Variants in RAB30 observed in about 807,000 individuals in gnomAD.
RAB30 encodes RAB30, member RAS oncogene family.
In RAB30, 9 loss-of-function variants were observed where a neutral mutation model predicts 25.1. The ratio of observed to expected loss-of-function variants is 0.36; its 90% CI spans 0.22 to 0.63. The LOEUF is 0.63. Among genes scored for constraint, RAB30 ranks in the 20% least tolerant of loss-of-function variants. The pLI is 0.69. For synonymous variants in RAB30, 77 were observed against 86.4 expected, an observed-to-expected ratio of 0.89 and a Z score of 0.60; for missense variants, 140 against 243.5, an observed-to-expected ratio of 0.58 and a Z score of 2.83.
At chr11:83,028,800 G>T (rs1425787644) in intron 1 of RAB30, among the ~76,000 whole-genome samples, 1 of 152,182 alleles carries the variant, frequency 6.6e-6, no homozygotes, top group African/African-American at 2.4e-5. Context: ...ACTTTGGGAG[G>T]CTAAGACAGC....
rs1392880074 is a variant in RAB30 at position 82,975,831 on chromosome 11, T to C, written c.*6334A>G. On this transcript the variant is annotated 3_prime_UTR_variant, in exon 5 of 5. Transcript: ENST00000527633. ...ATAATGACTATCATTTTAATAATCA[T>C]TATTTTTTCTGACTGTTATTTTTTT... is the stretch of plus-strand genomic sequence containing the variant. 1 of 152,156 alleles carries C rather than the reference T, an allele frequency of 6.6e-6. No homozygotes were observed. Among genetic ancestry groups the C allele is most frequent in the Non-Finnish European group, 1.5e-5 (1 of 68,012 alleles). The allele number at this position is 152,156 out of a possible 1,614,324, so 9.4% of individuals were successfully genotyped here. A position where few individuals can be genotyped will look rare whatever the true frequency, so the allele number is the denominator to read the frequency against.
chr11:83,000,423 G>T (rs1231398193), intron 1 of RAB30, among the ~76,000 whole-genome samples: 3 of 152,162 alleles, frequency 2.0e-5, no homozygotes, highest in Non-Finnish European at 4.4e-5. Flanking sequence ...AACACTCAGG[G>T]ACATGATATA....
At chr11:83,056,679 AGT>A (rs780214850) in intron 1 of RAB30, among the ~76,000 whole-genome samples, 10 of 152,234 alleles carry the variant, frequency 6.6e-5, no homozygotes, top group Non-Finnish European at 1.5e-4. Flanking sequence ...CAGACTCTGC[AGT>A]AAGACAGTCT....
At position 83,022,548 on chromosome 11, in the gene RAB30, A is replaced by G. The variant is rs552297677; in HGVS notation, c.-8-25224T>C. Among the ~76,000 whole-genome samples, 27 of 152,338 alleles carry G rather than the reference A, an allele frequency of 1.8e-4. 1 individual carries two copies. The highest frequency in any genetic ancestry group is 5.5e-4 in the African/African-American group (23 of 41,586). ...GTTCCATTAACTTCCAATAATGGAG[A>G]AAGGTCTTCCAATTTTTACTTTAGT... is the stretch of plus-strand genomic sequence containing the variant. On this transcript the variant is annotated intron_variant, in intron 1 of 4. Coordinates refer to ENST00000527633, the MANE Select transcript of RAB30 (RefSeq NM_001286060.2).
Position 82,982,252 on chromosome 11 carries a change from T to C in RAB30, c.525A>G (p.Arg175=), listed in dbSNP as rs776119993. Residue 175 remains arginine (R), a synonymous_variant, in exon 5 of 5, where the codon AGA becomes AGG. Coordinates refer to ENST00000527633, the MANE Select transcript of RAB30 (RefSeq NM_001286060.2). ...ATACATTGTTCACAAGTGTGTTCTG[T>C]CTGGCTTCACTGATGAGTCGGCATG... ...DLACRLISEA[R]QNTLVNNVSS... is the part of the protein sequence containing the mutation. 2.5e-6 allele frequency: 4 copies of C among 1,614,140 alleles called. No individual in the cohort carries two copies. In the South Asian group the frequency reaches 3.3e-5, roughly 13 times the overall value.
intron 1 of RAB30, among the ~76,000 whole-genome samples, chr11:83,054,676 T>C (rs1262320823): frequency 4.0e-5 from 6 of 150,492 alleles, no homozygotes; most frequent in East Asian, 3.9e-4. Context: ...GCCTGGGCAA[T>C]AGAATGAGAC....
chr11:82,996,654 T>C (rs946620875), intron 2 of RAB30, among the ~76,000 whole-genome samples: 2 of 152,190 alleles, frequency 1.3e-5, no homozygotes, highest in Non-Finnish European at 2.9e-5. Context: ...ATGATAAGAA[T>C]TGAATTCAAC....
intron 1 of RAB30, among the ~76,000 whole-genome samples, chr11:83,026,807 AT>A (rs1430023216): frequency 1.9e-5 from 2 of 104,560 alleles, no homozygotes; most frequent in African/African-American, 9.0e-5. Flanking sequence ...AAAGTGCTTT[AT>A]TTTTATTAAA....
chr11:82,996,215 A>G (rs1856955426), intron 2 of RAB30, among the ~76,000 whole-genome samples: 1 of 152,196 alleles, frequency 6.6e-6, no homozygotes. Flanking sequence ...TTGTTATTCA[A>G]TCTGTCTCTT....
At position 82,993,989 on chromosome 11, in the gene RAB30, T is replaced by C. The variant is rs776775510; in HGVS notation, c.177+50A>G. 2.1e-6 allele frequency: 3 copies of C among 1,425,018 alleles called. No homozygotes were observed. In the African/African-American group the frequency reaches 4.2e-5, roughly 20 times the overall value. 88.3% of individuals were successfully genotyped at this position (1,425,018 alleles called of 1,614,324 possible). A position where few individuals can be genotyped will look rare whatever the true frequency, so the allele number is the denominator to read the frequency against. ...ATGGTTATGAAAGCAGTACTTCCCC[T>C]AACCTCTCACATAGCACCTGACAAC... On this transcript the variant is annotated intron_variant, in intron 3 of 4. Coordinates refer to ENST00000527633, the MANE Select transcript of RAB30 (RefSeq NM_001286060.2).
At chr11:83,021,450 G>A (rs994114595) in intron 1 of RAB30, among the ~76,000 whole-genome samples, 3 of 152,216 alleles carry the variant, frequency 2.0e-5, no homozygotes, top group Admixed American at 6.5e-5. Flanking sequence ...TGCCAGCTGG[G>A]AAAGCTGCTT....
chr11:82,999,808 C>T (rs1857038689), intron 1 of RAB30, among the ~76,000 whole-genome samples: 1 of 152,086 alleles, frequency 6.6e-6, no homozygotes. Context: ...CTCTGACCTA[C>T]GAAGGTCCTG....
intron 4 of RAB30, among the ~76,000 whole-genome samples, chr11:82,985,019 C>G (rs1038232343): frequency 1.3e-5 from 2 of 152,192 alleles, no homozygotes; most frequent in Non-Finnish European, 2.9e-5. Flanking sequence ...GCTCTGTTGC[C>G]CAGGCTGGAG....
At chr11:83,049,926 T>C (rs1470657138) in intron 1 of RAB30, among the ~76,000 whole-genome samples, 1 of 152,114 alleles carries the variant, frequency 6.6e-6, no homozygotes, top group Non-Finnish European at 1.5e-5. Flanking sequence ...GAATTGGCCA[T>C]TCCCCTTCCT....
rs1430289275 is a variant in RAB30, at chr11:82,982,031, T to C, written c.*134A>G. 3.2e-6 allele frequency: 4 copies of C among 1,262,910 alleles called. No homozygotes were observed. Among genetic ancestry groups the C allele is most frequent in the Non-Finnish European group, 3.3e-6 (3 of 906,254 alleles). The allele number at this position is 1,262,910 out of a possible 1,614,324, so 78.2% of individuals were successfully genotyped here. A position where few individuals can be genotyped will look rare whatever the true frequency, so the allele number is the denominator to read the frequency against. ...TGTGGTCGAGGCCCTTGGCCTGCCA[T>C]GCTTTGTAAGCTCAGGAGCCCACAG... is the stretch of plus-strand genomic sequence containing the variant. On this transcript the variant is annotated 3_prime_UTR_variant, in exon 5 of 5. Transcript: ENST00000527633.
chr11:83,005,399 A>T (rs1273649782), intron 1 of RAB30, among the ~76,000 whole-genome samples: 1 of 152,204 alleles, frequency 6.6e-6, no homozygotes, highest in Non-Finnish European at 1.5e-5. Context: ...AATCTTATTT[A>T]ATCTTTTCAG....
intron 1 of RAB30, among the ~76,000 whole-genome samples, chr11:83,026,311 T>C (rs1857712252): frequency 6.6e-6 from 1 of 152,256 alleles, no homozygotes; most frequent in Non-Finnish European, 1.5e-5. Context: ...AAATCTCATG[T>C]TGAAATGTAA....
At chr11:83,019,279 G>A (rs1296318082) in intron 1 of RAB30, among the ~76,000 whole-genome samples, 1 of 152,188 alleles carries the variant, frequency 6.6e-6, no homozygotes, top group Non-Finnish European at 1.5e-5. Context: ...GTCTACCTCA[G>A]CCTCCCAAAG....
intron 1 of RAB30, chr11:83,041,172 G>A (rs1269162771): frequency 6.6e-6 from 1 of 151,756 alleles, no homozygotes; most frequent in Non-Finnish European, 1.5e-5. Flanking sequence ...CTCCAGCCTG[G>A]GAGACAGAGT....
Sources: allele counts gnomAD v4.1 joint callset (sites outside exome capture counted in the v4.1 genomes callset), GRCh38; gene constraint gnomAD v4.1.1; transcripts MANE v1.5; gene names NCBI Gene and HGNC (gene_info 2026-07-23, HGNC 2026-07-21).